Variants in MMP26 observed in about 807,000 individuals in gnomAD.
MMP26 encodes the protein matrix metalloproteinase-26.
Under a neutral mutation model 31.0 loss-of-function variants are expected in MMP26, and 33 were observed. That is an observed-to-expected ratio of 1.06 (90% CI 0.81 to 1.42). The LOEUF (loss-of-function observed/expected upper bound fraction) is 1.42. Among genes scored for constraint, MMP26 ranks in the 40% most tolerant of loss-of-function variants. The pLI is 0.00. For missense variants in MMP26, 347 were observed against 316.1 expected, an observed-to-expected ratio of 1.10 and a Z score of -0.74; for synonymous variants, 122 against 114.9, an observed-to-expected ratio of 1.06 and a Z score of -0.40.
chr11:4,732,057 G>A (rs1052250748), intron 1 of MMP26, among the ~76,000 whole-genome samples: 1 of 152,170 alleles, frequency 6.6e-6, no homozygotes, highest in African/African-American at 2.4e-5. Context: ...CCTAAAGGAT[G>A]GCACAAATAG....
chr11:4,919,378 T>C (rs551378743), intron 2 of MMP26: 2 of 152,336 alleles, frequency 1.3e-5, no homozygotes, highest in East Asian at 3.9e-4. Context: ...AGGACGGATG[T>C]TTAAATCCAT....
At chr11:4,708,772 G>A (rs1430609692) in intron 1 of MMP26, among the ~76,000 whole-genome samples, 1 of 150,094 alleles carries the variant, frequency 6.7e-6, no homozygotes, top group Admixed American at 6.7e-5. Flanking sequence ...TTGCAGAAAT[G>A]GAAAATCAAG....
intron 2 of MMP26, chr11:4,860,308 A>G (rs1850131387): frequency 2.1e-6 from 1 of 471,294 alleles, no homozygotes; most frequent in Non-Finnish European, 4.4e-6. Flanking sequence ...AAACCAGTAG[A>G]TGCTGAGCAT....
chr11:4,984,472 A>G (rs751334450), intron 2 of MMP26, among the ~76,000 whole-genome samples: 1 of 152,176 alleles, frequency 6.6e-6, no homozygotes, highest in African/African-American at 2.4e-5. Context: ...ATGTATCAAT[A>G]GTTTGTTAAG....
chr11:4,729,793 T>C (rs1262058570), intron 1 of MMP26, among the ~76,000 whole-genome samples: 9 of 151,948 alleles, frequency 5.9e-5, no homozygotes, highest in East Asian at 1.9e-4. Context: ...AAGCCTCTCA[T>C]TGAGTTCATT....
intron 1 of MMP26, chr11:4,710,514 G>A: frequency 2.4e-6 from 1 of 415,162 alleles, no homozygotes; most frequent in Non-Finnish European, 4.9e-6. Flanking sequence ...GCTAATTTAG[G>A]GAAGTTTGAG....
At chr11:4,865,384 A>G (rs1850219765) in intron 2 of MMP26, among the ~76,000 whole-genome samples, 1 of 152,150 alleles carries the variant, frequency 6.6e-6, no homozygotes, top group Non-Finnish European at 1.5e-5. Context: ...ATTATTAGGA[A>G]GAGAAATTTC....
chr11:4,807,962 G>A (rs183214505), intron 2 of MMP26, among the ~76,000 whole-genome samples: 241 of 151,856 alleles, frequency 1.6e-3, no homozygotes, highest in Middle Eastern at 0.01. Flanking sequence ...GCACCACAAC[G>A]CCCAGCAAAT....
intron 1 of MMP26, among the ~76,000 whole-genome samples, chr11:4,743,604 T>G (rs1415653948): frequency 6.6e-6 from 1 of 152,164 alleles, no homozygotes; most frequent in Non-Finnish European, 1.5e-5. Context: ...TTCCCACTAC[T>G]AGAGAAATAA....
chr11:4,987,285 C>G (rs1340780458), intron 2 of MMP26, among the ~76,000 whole-genome samples: 3 of 151,918 alleles, frequency 2.0e-5, no homozygotes, highest in Non-Finnish European at 4.4e-5. Flanking sequence ...TAGACGTGTG[C>G]GTGTCAACTT....
chr11:4,757,382 A>G (rs1250108801), intron 1 of MMP26, among the ~76,000 whole-genome samples: 2 of 151,982 alleles, frequency 1.3e-5, no homozygotes, highest in East Asian at 1.9e-4. Context: ...AAACTTCTAG[A>G]AAAAAAATCG....
intron 2 of MMP26, among the ~76,000 whole-genome samples, chr11:4,887,947 A>G (rs1254993046): frequency 6.6e-6 from 1 of 152,102 alleles, no homozygotes; most frequent in Non-Finnish European, 1.5e-5. Flanking sequence ...TCCCTTCCCC[A>G]TGAGGCTGTG....
At chr11:4,761,054 G>T (rs146300396) in intron 1 of MMP26, among the ~76,000 whole-genome samples, 4 of 152,186 alleles carry the variant, frequency 2.6e-5, no homozygotes, top group Non-Finnish European at 4.4e-5. Flanking sequence ...TGGAGGGTGA[G>T]TGGAGTTAGA....
chr11:4,849,028 G>C, intron 2 of MMP26: 1 of 1,614,064 alleles, frequency 6.2e-7, no homozygotes, highest in Non-Finnish European at 8.5e-7. Context: ...TGCAGGGCGG[G>C]CTGCAGGGCA....
intron 1 of MMP26, among the ~76,000 whole-genome samples, chr11:4,766,693 T>C (rs867967695): frequency 2.0e-5 from 1 of 49,344 alleles, no homozygotes; most frequent in Admixed American, 2.5e-4. Flanking sequence ...CCACTTTCCT[T>C]TCCCTCCCTC....
intron 2 of MMP26, among the ~76,000 whole-genome samples, chr11:4,885,151 T>C (rs1243073864): frequency 6.6e-6 from 1 of 152,164 alleles, no homozygotes; most frequent in Non-Finnish European, 1.5e-5. Context: ...TAATTGTCAA[T>C]AGGCTACGAA....
chr11:4,812,751 T>G (rs907325571), intron 2 of MMP26, among the ~76,000 whole-genome samples: 1 of 152,146 alleles, frequency 6.6e-6, no homozygotes, highest in Non-Finnish European at 1.5e-5. Flanking sequence ...AGTTTCCTCT[T>G]AACATGGACC....
rs552499632 is a variant in MMP26, at chr11:4,716,208, A to C, written c.-217+11163A>C. On this transcript the variant is annotated intron_variant, in intron 1 of 7. Coordinates refer to ENST00000380390, the MANE Select transcript of MMP26 (RefSeq NM_021801.5). ...GTTCCTCTCCAATTAAGAACATGGT[A>C]CTGGCTGGAATTTTAATTTCAACCG... Among the ~76,000 whole-genome samples the C allele has an allele frequency of 5.3e-5, 8 of 152,330 alleles. No individual in the cohort carries two copies. The East Asian group carries it at 9.7e-4, about 18-fold the overall frequency.
At position 4,803,617 on chromosome 11, in the gene MMP26, T is replaced by C. The variant is rs202114727; in HGVS notation, c.-145+36276T>C. 266 of 1,613,610 alleles carry C rather than the reference T, an allele frequency of 1.6e-4. No homozygotes were observed. The highest frequency in any genetic ancestry group is 2.2e-4 in the Non-Finnish European group (255 of 1,179,964). ...GAGGAAAGAAAAAAGGGCTGGGATA[T>C]AAAGAGCCAAGATGACACAGATATG... On this transcript the variant is annotated intron_variant, in intron 2 of 7. Transcript: ENST00000380390.
Sources: allele counts gnomAD v4.1 joint callset (sites outside exome capture counted in the v4.1 genomes callset), GRCh38; gene constraint gnomAD v4.1.1; transcripts MANE v1.5; gene names NCBI Gene and HGNC (gene_info 2026-07-23, HGNC 2026-07-21).